Variants in FBXO43 observed in about 807,000 individuals in gnomAD.
The protein encoded by FBXO43 is F-box only protein 43.
FBXO43 carries 22 observed loss-of-function variants against 56.7 expected under a neutral mutation model. The observed-to-expected ratio is 0.39, with a 90% CI of 0.28 to 0.55. The LOEUF is 0.55. FBXO43 is among the 20% of genes least tolerant of loss of function. The probability of loss-of-function intolerance (pLI) is 0.66; values close to 1 mark genes in which losing one functional copy is unlikely to be tolerated. For synonymous variants in FBXO43, 306 were observed against 294.5 expected, an observed-to-expected ratio of 1.04 and a Z score of -0.40; for missense variants, 733 against 814.9, an observed-to-expected ratio of 0.90 and a Z score of 1.22.
intron 2 of FBXO43, among the ~76,000 whole-genome samples, chr8:100,139,518 C>T (rs1487162703): frequency 6.6e-6 from 1 of 152,164 alleles, no homozygotes; most frequent in African/African-American, 2.4e-5. Flanking sequence ...ACTAACTTCC[C>T]GCATGCTCCT....
chr8:100,142,756 A>C (rs930763414), intron 1 of FBXO43, among the ~76,000 whole-genome samples: 16 of 152,200 alleles, frequency 1.1e-4, no homozygotes, highest in African/African-American at 3.9e-4. Flanking sequence ...CCCAGACTTA[A>C]GACTTTGCAA....
In FBXO43 at chr8:100,141,932, G is replaced by A. The variant is rs1473762614; in HGVS notation, c.322C>T (p.Pro108Ser). The change falls in exon 2 of 5, where the codon CCT becomes TCT. Residue 108 changes from proline (P) to serine (S), a missense_variant. Physicochemically the swap from Pro to Ser is moderately conservative, Grantham distance 74. Coordinates refer to ENST00000428847, the MANE Select transcript of FBXO43 (RefSeq NM_001029860.4). ...GTTAAGCCCAGGCCTGAAGTTTCAG[G>A]GTGCTCATAGAGTAATGTTGGGCCT... ...EKGPTLLYEH[P>S]ETSGLGLTHP... The A allele has an allele frequency of 6.3e-7, 1 of 1,592,178 alleles. No individual in the cohort carries two copies. Among genetic ancestry groups the A allele is most frequent in the African/African-American group, 1.4e-5 (1 of 73,506 alleles).
Position 100,140,976 on chromosome 8 carries a change from C to G in FBXO43, c.1278G>C (p.Glu426Asp), listed in dbSNP as rs1223084666. 5.6e-6 allele frequency: 9 copies of G among 1,614,118 alleles called. No homozygotes were observed. Among genetic ancestry groups the G allele is most frequent in the South Asian group, 2.2e-5 (2 of 91,096 alleles). ...TTAAGCTAAAGGTCAAATCCCCACT[C>G]TCATCACTACTCAGCTGACCCTCTG... ...AISEGQLSSDESGDLTFSLKN... is the reference protein window; with the variant it reads ...AISEGQLSSDDSGDLTFSLKN... The change falls in exon 2 of 5, where the codon GAG (glutamate) becomes GAC (aspartate). Residue 426 changes from glutamate to aspartate, a missense_variant. Transcript: ENST00000428847.
chr8:100,147,128 A>G (rs541245898), upstream of FBXO43, among the ~76,000 whole-genome samples: 10 of 152,350 alleles, frequency 6.6e-5, no homozygotes, highest in African/African-American at 2.2e-4. Flanking sequence ...GATTACAGGC[A>G]TGAGCCACTG....
In FBXO43 at chr8:100,142,029, A is replaced by C; in HGVS notation, c.225T>G (p.Asp75Glu). ...RDFCSTSSFQ[D>E]SGYNELKSCS... is the part of the protein sequence containing the mutation. Reference sequence around the variant, plus strand: ...AAGATTTTAACTCATTGTAGCCACTATCTTGAAATGAAGATGTGGAACAAA... The same window carrying C: ...AAGATTTTAACTCATTGTAGCCACTCTCTTGAAATGAAGATGTGGAACAAA... The change falls in exon 2 of 5, where the codon GAT becomes GAG. Residue 75 changes from aspartate (D) to glutamate (E), a missense_variant. Physicochemically the swap from Asp to Glu is conservative, Grantham distance 45. Transcript: ENST00000428847. The C allele has an allele frequency of 6.2e-7, 1 of 1,614,014 alleles. No individual in the cohort carries two copies. The highest frequency in any genetic ancestry group is 1.1e-5 in the South Asian group (1 of 91,040).
chr8:100,144,738 T>C (rs1046150395), intron 1 of FBXO43, among the ~76,000 whole-genome samples: 5 of 151,334 alleles, frequency 3.3e-5, no homozygotes, highest in East Asian at 1.9e-4. Flanking sequence ...GAGACCAACC[T>C]GGCTAACACG....
At position 100,142,104 on chromosome 8, in the gene FBXO43, C is replaced by T. The variant is rs1011153949; in HGVS notation, c.150G>A (p.Gly50=). ...AGTTGACAATTGGAGGAGAGTCCGC[C>T]CCATTTCCTGCTTCAGTGCCAGCTT... ...SGQAGTEAGN[G]ADSPPIVNSK... Residue 50 remains glycine (G), a synonymous_variant, in exon 2 of 5, where the codon GGG becomes GGA. Coordinates refer to ENST00000428847, the MANE Select transcript of FBXO43 (RefSeq NM_001029860.4). The T allele has an allele frequency of 1.9e-6, 3 of 1,609,496 alleles. No homozygotes were observed. In the African/African-American group the frequency reaches 4.0e-5, roughly 22 times the overall value.
At chr8:100,135,540 AG>A (rs1006289425) in intron 3 of FBXO43, among the ~76,000 whole-genome samples, 1 of 152,154 alleles carries the variant, frequency 6.6e-6, no homozygotes, top group Non-Finnish European at 1.5e-5. Context: ...AGCATAAGAA[AG>A]GGGGGAAAAG....
In FBXO43 at chr8:100,145,310, T is replaced by C; in HGVS notation, c.-175A>G. On this transcript the variant is annotated 5_prime_UTR_variant, in exon 1 of 5. Transcript: ENST00000428847. ...GAATTTCCTTCAGCCCTCCAGAAAA[T>C]AGTTATCTTAATATCCTTGTTTTCT... is the stretch of plus-strand genomic sequence containing the variant. 1 of 462,538 alleles carries C rather than the reference T, an allele frequency of 2.2e-6. No homozygotes were observed. Among genetic ancestry groups the C allele is most frequent in the Non-Finnish European group, 3.8e-6 (1 of 263,468 alleles). 28.7% of individuals were successfully genotyped at this position (462,538 alleles called of 1,614,324 possible).
At chr8:100,149,798 A>G (rs1193311448), upstream of FBXO43, among the ~76,000 whole-genome samples, 1 of 152,224 alleles carries the variant, frequency 6.6e-6, no homozygotes, top group African/African-American at 2.4e-5. Context: ...CACTAACTTT[A>G]AAATAGTTAT....
intron 2 of FBXO43, among the ~76,000 whole-genome samples, chr8:100,138,085 C>T (rs538999545): frequency 1.3e-5 from 2 of 152,290 alleles, no homozygotes; most frequent in Middle Eastern, 3.4e-3. Flanking sequence ...TACATAAACA[C>T]AAGCACAATT....
At chr8:100,137,419 T>G in intron 3 of FBXO43, 146 bp downstream of exon 3, 2 of 584,550 alleles carry the variant, frequency 3.4e-6, no homozygotes, top group East Asian at 3.2e-5. Flanking sequence ...GAAAATTGAG[T>G]TTGGGAAAAC....
intron 1 of FBXO43, 47 bp downstream of exon 1, chr8:100,145,004 T>TA (rs1814784044): frequency 6.4e-7 from 1 of 1,566,002 alleles, no homozygotes; most frequent in Non-Finnish European, 8.6e-7. Flanking sequence ...ATGAAGTACT[T>TA]ACATTAAACC....
At chr8:100,144,934 A>G (rs895639951) in intron 1 of FBXO43, 117 bp downstream of exon 1, 1 of 1,286,318 alleles carries the variant, frequency 7.8e-7, no homozygotes, top group East Asian at 2.8e-5. Context: ...CGTCTCAAAA[A>G]AAAAAAAAGA....
upstream of FBXO43, among the ~76,000 whole-genome samples, chr8:100,147,783 G>C (rs867108413): frequency 5.3e-4 from 81 of 152,302 alleles, no homozygotes; most frequent in African/African-American, 1.8e-3. Flanking sequence ...AAGAGTATAG[G>C]CTTGGGAGAA....
At position 100,141,918 on chromosome 8, in the gene FBXO43, G is replaced by A. The variant is rs749478452; in HGVS notation, c.336C>T (p.Gly112=). The A allele has an allele frequency of 1.3e-6, 2 of 1,591,836 alleles. No homozygotes were observed. Among genetic ancestry groups the A allele is most frequent in the East Asian group, 2.2e-5 (1 of 44,704 alleles). ...TLLYEHPETS[G]LGLTHPLESP... is the part of the protein sequence containing the mutation. ...ATTCTAAAGGATGTGTTAAGCCCAG[G>A]CCTGAAGTTTCAGGGTGCTCATAGA... The change falls in exon 2 of 5, where the codon GGC becomes GGT. Residue 112 remains glycine, a synonymous_variant. Coordinates refer to ENST00000428847, the MANE Select transcript of FBXO43 (RefSeq NM_001029860.4).
intron 1 of FBXO43, among the ~76,000 whole-genome samples, chr8:100,143,069 T>G (rs1000628372): frequency 1.3e-5 from 2 of 152,256 alleles, no homozygotes; most frequent in Admixed American, 1.3e-4. Flanking sequence ...AATATTTTAC[T>G]CCTTAAACTT....
intron 2 of FBXO43, among the ~76,000 whole-genome samples, chr8:100,138,180 T>A (rs554757703): frequency 6.6e-6 from 1 of 152,362 alleles, no homozygotes; most frequent in Admixed American, 6.5e-5. Flanking sequence ...AACCAAAGTT[T>A]ATGAATATGA....
At chr8:100,143,232 CTG>C (rs994077649) in intron 1 of FBXO43, among the ~76,000 whole-genome samples, 27 of 152,188 alleles carry the variant, frequency 1.8e-4, no homozygotes, top group African/African-American at 6.3e-4. Flanking sequence ...ATGAAGAAGA[CTG>C]TCATTCCTTC....
Sources: gnomAD v4.1 joint callset for allele counts (sites outside exome capture counted in the v4.1 genomes callset) on GRCh38, gnomAD v4.1.1 for gene constraint, MANE v1.5 for transcripts, NCBI Gene and HGNC (gene_info 2026-07-23, HGNC 2026-07-21) for gene names.